DMRT1: variants seen among roughly 807,000 people sequenced by gnomAD.
DMRT1 encodes the protein doublesex- and mab-3-related transcription factor 1.
A neutral mutation model predicts 32.3 loss-of-function variants in DMRT1; 7 were observed. The ratio of observed to expected loss-of-function variants is 0.22; its 90% CI spans 0.12 to 0.41. The LOEUF (loss-of-function observed/expected upper bound fraction) is 0.41. Ranked by LOEUF, DMRT1 falls within the 10% of genes least tolerant of loss-of-function variation. DMRT1 has a pLI of 1.00. For synonymous variants in DMRT1, 278 were observed against 206.1 expected (o/e 1.35, Z -2.99); for missense variants, 625 against 500.5 (o/e 1.25, Z -2.37).
At chr9:902,402 T>C (rs533475653) in intron 3 of DMRT1, among the ~76,000 whole-genome samples, 7 of 151,802 alleles carry the variant, frequency 4.6e-5, no homozygotes, top group African/African-American at 1.2e-4. Context: ...TGAAGTTCTT[T>C]AGGGGCTTCA....
intron 4 of DMRT1, among the ~76,000 whole-genome samples, chr9:927,665 A>G (rs970178638): frequency 3.3e-5 from 5 of 152,252 alleles, no homozygotes; most frequent in African/African-American, 1.2e-4. Context: ...CGGGGTATAC[A>G]ATAGATGCTG....
At position 955,415 on chromosome 9, in the gene DMRT1, A is replaced by T. The variant is rs534999910; in HGVS notation, c.968-12570A>T. On this transcript the variant is annotated intron_variant, in intron 4 of 4. Transcript: ENST00000382276. ...AGGAAAAGATTAGTATAAAAGAGGC[A>T]AAAAACTTGGCTGGTGTGGTGGCTC... Among the ~76,000 whole-genome samples the T allele has an allele frequency of 1.8e-4, 28 of 152,306 alleles. No individual in the cohort carries two copies. In the South Asian group the frequency reaches 2.1e-3, roughly 11 times the overall value.
chr9:881,285 A>G (rs1408473736), intron 2 of DMRT1, among the ~76,000 whole-genome samples: 1 of 152,236 alleles, frequency 6.6e-6, no homozygotes, highest in Non-Finnish European at 1.5e-5. Flanking sequence ...ATTGGCGATA[A>G]TAAATTGAAC....
intron 2 of DMRT1, among the ~76,000 whole-genome samples, chr9:890,362 T>G (rs1306744346): frequency 6.6e-6 from 1 of 152,192 alleles, no homozygotes; most frequent in African/African-American, 2.4e-5. Flanking sequence ...ATGTCTCATC[T>G]CATTAGCTGG....
In DMRT1 at chr9:933,861, C is replaced by T. The variant is rs368787114; in HGVS notation, c.967+16954C>T. Among the ~76,000 whole-genome samples, 23 of 152,246 alleles carry T rather than the reference C, an allele frequency of 1.5e-4. No homozygotes were observed. In the South Asian group the frequency reaches 4.4e-3, roughly 29 times the overall value. ...AGGGTTTAAACCTGAGAAAACAAGTCCCATATGCTCACAAACACCATTTAA... is the reference window on the plus strand; with the variant it reads ...AGGGTTTAAACCTGAGAAAACAAGTTCCATATGCTCACAAACACCATTTAA... On this transcript the variant is annotated intron_variant, in intron 4 of 4. Coordinates refer to ENST00000382276, the MANE Select transcript of DMRT1 (RefSeq NM_021951.3).
chr9:867,152 A>G (rs938788426), intron 2 of DMRT1, among the ~76,000 whole-genome samples: 4 of 152,216 alleles, frequency 2.6e-5, no homozygotes, highest in Admixed American at 6.5e-5. Context: ...GACAGGGAAC[A>G]AAAGCATGCA....
chr9:912,169 A>G (rs1208865534), intron 3 of DMRT1, among the ~76,000 whole-genome samples: 1 of 152,150 alleles, frequency 6.6e-6, no homozygotes, highest in East Asian at 1.9e-4. Flanking sequence ...ACTGCCAAAC[A>G]CTTTTAAAGC....
chr9:896,477 C>G (rs1051311917), intron 3 of DMRT1, among the ~76,000 whole-genome samples: 2 of 151,884 alleles, frequency 1.3e-5, no homozygotes, highest in African/African-American at 4.8e-5. Context: ...CCACCTCGAG[C>G]TCCCGGCAAC....
intron 2 of DMRT1, among the ~76,000 whole-genome samples, chr9:865,737 C>T (rs1291580943): frequency 6.6e-6 from 1 of 152,200 alleles, no homozygotes; most frequent in Non-Finnish European, 1.5e-5. Flanking sequence ...CATCTTAATG[C>T]TCAAACATGG....
At chr9:896,285 C>CTT (rs1195951813) in intron 3 of DMRT1, among the ~76,000 whole-genome samples, 19 of 121,766 alleles carry the variant, frequency 1.6e-4, no homozygotes, top group East Asian at 4.9e-4. Context: ...CTTGTCTTTT[C>CTT]TTTTTTTTTT....
In DMRT1 at chr9:846,980, G is replaced by A. The variant is rs754339132; in HGVS notation, c.375G>A (p.Gln125=). Residue 125 remains glutamine (Q), a synonymous_variant, in exon 2 of 5, where the codon CAG becomes CAA. Transcript: ENST00000382276. The part of the protein sequence containing the change: ...MAAQVALRRQ[Q]AQEEELGISH... ...TCCAGGTGGCCCTGAGAAGGCAGCA[G>A]GCCCAGGAGGAGGAATTGGGTATCA... 5.0e-6 allele frequency: 8 copies of A among 1,614,158 alleles called. No homozygotes were observed. In the Admixed American group the frequency reaches 1.3e-4, roughly 27 times the overall value.
At chr9:886,410 A>G (rs1485949258) in intron 2 of DMRT1, among the ~76,000 whole-genome samples, 1 of 151,974 alleles carries the variant, frequency 6.6e-6, no homozygotes, top group African/African-American at 2.4e-5. Context: ...CACGGGCCAG[A>G]TACACGCCCG....
intron 4 of DMRT1, among the ~76,000 whole-genome samples, chr9:943,964 G>A (rs1004797677): frequency 3.3e-5 from 5 of 152,182 alleles, no homozygotes; most frequent in African/African-American, 4.8e-5. Flanking sequence ...GAGTGGGGCA[G>A]CATTGCATAA....
chr9:842,843 C>T (rs1215200219), intron 1 of DMRT1: 1 of 152,384 alleles, frequency 6.6e-6, no homozygotes, highest in African/African-American at 2.4e-5. Context: ...CAGGGAATTC[C>T]GGGGTTCGCC....
chr9:870,709 C>CATTTTTTTTTATTTTTTT, intron 2 of DMRT1, among the ~76,000 whole-genome samples: 1 of 69,562 alleles, frequency 1.4e-5, no homozygotes, highest in African/African-American at 6.6e-5. Context: ...ATTTTCTTGA[C>CATTTTTTTTTATTTTTTT]TTTTTTTTTT....
chr9:871,443 C>G (rs531403296), intron 2 of DMRT1, among the ~76,000 whole-genome samples: 1 of 151,774 alleles, frequency 6.6e-6, no homozygotes, highest in East Asian at 1.9e-4. Flanking sequence ...CGCCATTCTC[C>G]TGCCTCAGCC....
At chr9:900,374 C>T (rs1310315233) in intron 3 of DMRT1, among the ~76,000 whole-genome samples, 1 of 152,088 alleles carries the variant, frequency 6.6e-6, no homozygotes, top group African/African-American at 2.4e-5. Flanking sequence ...CCCACTGCCC[C>T]CCCTTTTTTT....
At chr9:844,026 A>G (rs1008050435) in intron 1 of DMRT1, among the ~76,000 whole-genome samples, 2 of 152,252 alleles carry the variant, frequency 1.3e-5, no homozygotes, top group African/African-American at 4.8e-5. Flanking sequence ...TCTGGGCAGA[A>G]AAATTCTCTA....
chr9:897,090 ATATTATTATTATTAT>A (rs35331172), intron 3 of DMRT1, among the ~76,000 whole-genome samples: 3 of 141,176 alleles, frequency 2.1e-5, no homozygotes, highest in Non-Finnish European at 4.6e-5. Flanking sequence ...TTTTGGAATC[ATATTATTATTATTAT>A]TATTATTATT....
Sources: gnomAD v4.1 joint callset for allele counts (sites outside exome capture counted in the v4.1 genomes callset) on GRCh38, gnomAD v4.1.1 for gene constraint, MANE v1.5 for transcripts, NCBI Gene and HGNC (gene_info 2026-07-23, HGNC 2026-07-21) for gene names.